The following ELMOD3 variants were observed in gnomAD, a reference collection of about 807,000 sequenced individuals.
ELMOD3 encodes ELMO domain containing 3.
A neutral mutation model predicts 47.4 loss-of-function variants in ELMOD3; 36 were observed. The observed-to-expected ratio is 0.76, with a 90% CI of 0.58 to 1.00. ELMOD3 has a LOEUF of 1.00. Ranked by LOEUF, ELMOD3 falls within the 50% of genes least tolerant of loss-of-function variation. The pLI is 0.00. For missense variants in ELMOD3, 404 were observed against 463.8 expected (o/e 0.87, Z 1.18); for synonymous variants, 149 against 183.5 (o/e 0.81, Z 1.52).
chr2:85,382,803 A>G (rs985383021), intron 11 of ELMOD3, among the ~76,000 whole-genome samples: 3 of 152,132 alleles, frequency 2.0e-5, no homozygotes, highest in Non-Finnish European at 4.4e-5. Flanking sequence ...GGCGTGAGCC[A>G]CCGCGTCTGG....
At chr2:85,368,999 C>T (rs1684598238) in intron 7 of ELMOD3, among the ~76,000 whole-genome samples, 1 of 152,214 alleles carries the variant, frequency 6.6e-6, no homozygotes, top group Non-Finnish European at 1.5e-5. Context: ...ATCTTTCACC[C>T]AGCCATGAGA....
chr2:85,356,632 C>G, intron 3 of ELMOD3: 1 of 152,348 alleles, frequency 6.6e-6, no homozygotes, highest in Non-Finnish European at 1.5e-5. Context: ...CCTGTAATCC[C>G]AGCACTTTGG....
chr2:85,374,745 G>A (rs116326878), intron 10 of ELMOD3, among the ~76,000 whole-genome samples: 7,147 of 152,230 alleles, frequency 0.047, 261 homozygotes, highest in Non-Finnish European at 0.07. Flanking sequence ...CCAAGAAGTC[G>A]AAGCTGCAGT....
intron 5 of ELMOD3, 106 bp downstream of exon 5, chr2:85,362,366 C>A (rs1011882366): frequency 1.3e-6 from 1 of 769,042 alleles, no homozygotes; most frequent in Non-Finnish European, 2.3e-6. Flanking sequence ...GTGGCATAGA[C>A]CTTAGCTTCC....
At chr2:85,365,888 T>C (rs1445828882) in intron 6 of ELMOD3, among the ~76,000 whole-genome samples, 1 of 152,094 alleles carries the variant, frequency 6.6e-6, no homozygotes, top group Non-Finnish European at 1.5e-5. Flanking sequence ...TAAAGCTGCA[T>C]GAAGGTAAGA....
chr2:85,379,942 A>G (rs575184554), intron 11 of ELMOD3, among the ~76,000 whole-genome samples: 14 of 152,318 alleles, frequency 9.2e-5, no homozygotes, highest in South Asian at 6.2e-4. Context: ...CCATAAAGTA[A>G]CATTCTTTAC....
At chr2:85,372,029 C>A (rs1224469648) in intron 10 of ELMOD3, 2 of 157,386 alleles carry the variant, frequency 1.3e-5, no homozygotes, top group African/African-American at 2.4e-5. Context: ...TTTAGCCAGG[C>A]CTGGTGGTAT....
chr2:85,373,522 C>A (rs1288955820), intron 10 of ELMOD3, among the ~76,000 whole-genome samples: 1 of 151,990 alleles, frequency 6.6e-6, no homozygotes, highest in Non-Finnish European at 1.5e-5. Flanking sequence ...CTGCAATATA[C>A]ATAATTTCTG....
At chr2:85,366,007 A>G (rs1037262539) in intron 6 of ELMOD3, among the ~76,000 whole-genome samples, 2 of 152,000 alleles carry the variant, frequency 1.3e-5, no homozygotes, top group Non-Finnish European at 1.5e-5. Flanking sequence ...CGCCCAGGCT[A>G]GAGTGCAATG....
intron 11 of ELMOD3, among the ~76,000 whole-genome samples, chr2:85,386,685 A>G (rs1239394694): frequency 6.6e-6 from 1 of 152,042 alleles, no homozygotes; most frequent in Non-Finnish European, 1.5e-5. Flanking sequence ...ATGCCTGGCC[A>G]ATCAGTGGGC....
At chr2:85,362,966 A>G (rs2104515259) in intron 5 of ELMOD3, 131 bp from the exon 6 acceptor site, 1 of 568,566 alleles carries the variant, frequency 1.8e-6, no homozygotes. Flanking sequence ...GACTTCAGTC[A>G]ACCCATCAGG....
rs897663403 is a variant in ELMOD3, at chr2:85,391,602, G to A, written c.*640G>A. On this transcript the variant is annotated 3_prime_UTR_variant, in exon 14 of 14. Coordinates refer to ENST00000409013, the MANE Select transcript of ELMOD3 (RefSeq NM_001135022.2). ...GATGGAAAAACGGACATTTGGCTAG[G>A]TGTCTCTCACGGCTGCTCCATCCTA... The A allele has an allele frequency of 6.5e-6, 1 of 153,076 alleles. No individual in the cohort carries two copies. Among genetic ancestry groups the A allele is most frequent in the South Asian group, 2.1e-4 (1 of 4,842 alleles). The allele number at this position is 153,076 out of a possible 1,614,324, so 9.5% of individuals were successfully genotyped here. A position where few individuals can be genotyped will look rare whatever the true frequency, so the allele number is the denominator to read the frequency against.
intron 6 of ELMOD3, among the ~76,000 whole-genome samples, chr2:85,363,475 T>G (rs2104519639): frequency 6.6e-6 from 1 of 152,316 alleles, no homozygotes; most frequent in African/African-American, 2.4e-5. Flanking sequence ...CTTTGAAAAG[T>G]TATTCTACTT....
chr2:85,362,409 G>C (rs1414084508), intron 5 of ELMOD3, 149 bp downstream of exon 5: 2 of 616,530 alleles, frequency 3.2e-6, no homozygotes, highest in Non-Finnish European at 5.9e-6. Flanking sequence ...TGAGGGGAGG[G>C]TGTATGGAAC....
intron 11 of ELMOD3, among the ~76,000 whole-genome samples, chr2:85,386,444 G>A: frequency 7.3e-6 from 1 of 136,684 alleles, no homozygotes; most frequent in African/African-American, 2.8e-5. Flanking sequence ...AGAATGCATG[G>A]CACAATCTCA....
In ELMOD3 at chr2:85,368,397, C is replaced by A. The variant is rs564783936; in HGVS notation, c.200-289C>A. Reference sequence around the variant, plus strand: ...GTGCCATGCTGATCATGTGGCCCCACTAAGTTCAGCATCAATATGGGGACC... The same window carrying A: ...GTGCCATGCTGATCATGTGGCCCCAATAAGTTCAGCATCAATATGGGGACC... On this transcript the variant is annotated intron_variant, in intron 6 of 13. Coordinates refer to ENST00000409013, the MANE Select transcript of ELMOD3 (RefSeq NM_001135022.2). 3 of 394,356 alleles carry A rather than the reference C, an allele frequency of 7.6e-6. No individual in the cohort carries two copies. In the South Asian group the frequency reaches 8.0e-5, roughly 10 times the overall value. 24.4% of individuals were successfully genotyped at this position (394,356 alleles called of 1,614,324 possible). A position where few individuals can be genotyped will look rare whatever the true frequency, so the allele number is the denominator to read the frequency against.
chr2:85,364,307 C>T (rs756105384), intron 6 of ELMOD3, among the ~76,000 whole-genome samples: 6 of 151,634 alleles, frequency 4.0e-5, no homozygotes, highest in East Asian at 1.9e-4. Flanking sequence ...ACAGGTTCAC[C>T]GGGCACAGTG....
intron 11 of ELMOD3, among the ~76,000 whole-genome samples, chr2:85,378,634 C>T (rs938213644): frequency 3.3e-5 from 5 of 152,210 alleles, no homozygotes; most frequent in Non-Finnish European, 7.3e-5. Flanking sequence ...GCATTTATCT[C>T]AGTGAGCAGA....
chr2:85,390,604 A>G, intron 13 of ELMOD3, 156 bp from the exon 14 acceptor site: 3 of 1,522,686 alleles, frequency 2.0e-6, no homozygotes, highest in Admixed American at 2.2e-5. Context: ...TCCCTAGCCT[A>G]CCTCTCTGGT....
Sources: allele counts gnomAD v4.1 joint callset (sites outside exome capture counted in the v4.1 genomes callset), GRCh38; gene constraint gnomAD v4.1.1; transcripts MANE v1.5; gene names NCBI Gene and HGNC (gene_info 2026-07-23, HGNC 2026-07-21).